The following EGF variants were observed in gnomAD, a reference collection of about 807,000 sequenced individuals.
EGF encodes the protein pro-epidermal growth factor.
A neutral mutation model predicts 143.8 loss-of-function variants in EGF; 95 were observed. The observed-to-expected ratio is 0.66, with a 90% CI of 0.56 to 0.78. The LOEUF (loss-of-function observed/expected upper bound fraction) is 0.78. Among genes scored for constraint, EGF ranks in the 30% least tolerant of loss-of-function variants. The pLI, the probability that EGF is intolerant of heterozygous loss-of-function variation, is 0.00. For missense variants in EGF, 1,320 were observed against 1,470.9 expected (o/e 0.90, Z 1.68); for synonymous variants, 510 against 510.5 (o/e 1.00, Z 0.01).
Position 110,012,181 on chromosome 4 carries a change from T to G in EGF, c.*726T>G, listed in dbSNP as rs2126207866. The stretch of plus-strand genomic sequence containing the variant: ...TTTGTATGTATTTTCAGTTACAAGA[T>G]TGTAAGTAAATTGCCTGATTTGTTT... On this transcript the variant is annotated 3_prime_UTR_variant, in exon 24 of 24. Coordinates refer to ENST00000265171, the MANE Select transcript of EGF (RefSeq NM_001963.6). The G allele has an allele frequency of 1.3e-5, 2 of 152,332 alleles. No homozygotes were observed. The highest frequency in any genetic ancestry group is 4.2e-4 in the South Asian group (2 of 4,818). The allele number at this position is 152,332 out of a possible 1,614,324, so 9.4% of individuals were successfully genotyped here. A position where few individuals can be genotyped will look rare whatever the true frequency, so the allele number is the denominator to read the frequency against.
intron 20 of EGF, among the ~76,000 whole-genome samples, chr4:109,997,428 G>A (rs572026939): frequency 6.6e-6 from 1 of 152,032 alleles, no homozygotes. Context: ...TTACCAGCCC[G>A]GGTAACATGG....
chr4:110,003,720 C>T (rs893672625), intron 21 of EGF, among the ~76,000 whole-genome samples: 1 of 136,984 alleles, frequency 7.3e-6, no homozygotes, highest in Admixed American at 8.3e-5. Context: ...TAGTGAATGA[C>T]GCCGTGTATA....
At chr4:109,957,264 T>C (rs1744939978) in intron 5 of EGF, among the ~76,000 whole-genome samples, 1 of 152,188 alleles carries the variant, frequency 6.6e-6, no homozygotes, top group African/African-American at 2.4e-5. Flanking sequence ...AAAACTAACT[T>C]GTTTATCTGA....
intron 4 of EGF, 128 bp from the exon 5 acceptor site, chr4:109,944,945 C>T: frequency 1.0e-6 from 1 of 982,214 alleles, no homozygotes; most frequent in Non-Finnish European, 1.5e-6. Flanking sequence ...CTTTTCTAAA[C>T]ATAAATGAGA....
intron 20 of EGF, among the ~76,000 whole-genome samples, chr4:109,997,391 A>G (rs1751954350): frequency 6.6e-6 from 1 of 152,174 alleles, no homozygotes; most frequent in Admixed American, 6.6e-5. Flanking sequence ...TTCATAGTAT[A>G]TACCACAACA....
chr4:109,916,211 C>T (rs533090061), intron 1 of EGF, among the ~76,000 whole-genome samples: 41 of 152,246 alleles, frequency 2.7e-4, no homozygotes, highest in African/African-American at 9.1e-4. Flanking sequence ...CCGGCTAAGG[C>T]GTGGTCAGCA....
intron 1 of EGF, among the ~76,000 whole-genome samples, chr4:109,930,102 C>T (rs1298953271): frequency 6.6e-6 from 1 of 152,184 alleles, no homozygotes; most frequent in African/African-American, 2.4e-5. Context: ...TTCCACTTTG[C>T]CTTCCGCCAT....
chr4:109,985,410 T>G (rs1315572047), intron 16 of EGF, among the ~76,000 whole-genome samples: 2 of 152,254 alleles, frequency 1.3e-5, no homozygotes, highest in Admixed American at 1.3e-4. Flanking sequence ...TCTAAAATTC[T>G]TAACGTGGCC....
chr4:109,915,118 C>G (rs1186598360), intron 1 of EGF, among the ~76,000 whole-genome samples: 2 of 152,198 alleles, frequency 1.3e-5, no homozygotes, highest in African/African-American at 4.8e-5. Flanking sequence ...GAAGTGCCTT[C>G]ATTGAGGTAG....
intron 16 of EGF, among the ~76,000 whole-genome samples, chr4:109,985,240 C>T (rs1421507758): frequency 6.6e-6 from 1 of 152,176 alleles, no homozygotes; most frequent in Admixed American, 6.5e-5. Flanking sequence ...TCTTTCCATA[C>T]CTGGATTGTG....
chr4:110,010,840 C>T (rs1753902925), intron 23 of EGF, among the ~76,000 whole-genome samples: 3 of 152,072 alleles, frequency 2.0e-5, no homozygotes, highest in Admixed American at 6.6e-5. Flanking sequence ...GTGGGCGAAT[C>T]GCTTGAGCCC....
intron 1 of EGF, among the ~76,000 whole-genome samples, chr4:109,919,293 C>CTG (rs1304570110): frequency 3.1e-4 from 13 of 41,556 alleles, no homozygotes; most frequent in Non-Finnish European, 4.6e-4. Flanking sequence ...CTCTGTCTCT[C>CTG]TCTCTCTCTC....
At chr4:110,011,048 A>G (rs116823925) in intron 23 of EGF, among the ~76,000 whole-genome samples, 154 bp from the exon 24 acceptor site, 130 of 152,290 alleles carry the variant, frequency 8.5e-4, no homozygotes, top group African/African-American at 3.0e-3. Flanking sequence ...ATCAAAAAAA[A>G]AAAGAGAAAA....
intron 1 of EGF, among the ~76,000 whole-genome samples, chr4:109,937,960 C>T (rs1051873433): frequency 6.6e-6 from 1 of 152,128 alleles, no homozygotes; most frequent in Non-Finnish European, 1.5e-5. Context: ...TCCTTCATTT[C>T]AACCTTGGTG....
At position 109,922,438 on chromosome 4, in the gene EGF, G is replaced by A. The variant is rs867038744; in HGVS notation, c.127+8976G>A. Reference sequence around the variant, plus strand: ...TACTGACATGTTGTCTTCTGAGACAGGAGCTAATAGAAATATATAGCGCAT... The same window carrying A: ...TACTGACATGTTGTCTTCTGAGACAAGAGCTAATAGAAATATATAGCGCAT... On this transcript the variant is annotated intron_variant, in intron 1 of 23. Coordinates refer to ENST00000265171, the MANE Select transcript of EGF (RefSeq NM_001963.6). Among the ~76,000 whole-genome samples the A allele has an allele frequency of 4.0e-4, 61 of 151,806 alleles. 5 individuals are homozygous for A. The highest frequency in any genetic ancestry group is 1.4e-3 in the African/African-American group (58 of 41,074).
chr4:109,944,926 C>G (rs1160366766), intron 4 of EGF, 147 bp from the exon 5 acceptor site: 1 of 838,342 alleles, frequency 1.2e-6, no homozygotes, highest in Non-Finnish European at 1.9e-6. Flanking sequence ...AAATTTTAAA[C>G]TTAATATACT....
chr4:109,948,471 T>A (rs762318678), intron 5 of EGF, among the ~76,000 whole-genome samples: 25 of 152,174 alleles, frequency 1.6e-4, no homozygotes, highest in African/African-American at 5.1e-4. Context: ...TTTCAATGTG[T>A]TTGACATCCT....
rs41491249 is a variant in EGF at position 109,980,902 on chromosome 4, G to A, written c.2298G>A (p.Ser766=). Residue 766 remains serine, a synonymous_variant, in exon 15 of 24, where the codon TCG becomes TCA. Transcript: ENST00000265171. ...CKKRLGTAWC[S]CREGFMKASD... ...AGAGGCTTGGAACTGCTTGGTGTTC[G>A]TGTCGTGAAGGTTTTATGAAAGCCT... The A allele has an allele frequency of 1.2e-3, 1,926 of 1,614,054 alleles. 24 individuals are homozygous for A. The African/African-American group carries it at 0.022, about 18-fold the overall frequency.
Position 109,973,509 on chromosome 4 carries a change from C to T in EGF, c.1725-1194C>T, listed in dbSNP as rs574818175. Among the ~76,000 whole-genome samples, 16 of 152,254 alleles carry T rather than the reference C, an allele frequency of 1.1e-4. No individual in the cohort carries two copies. In the South Asian group the frequency reaches 3.1e-3, roughly 30 times the overall value. ...ACCCACTCTGTCACCCTCCCTGAGT[C>T]TTCCAATTACATTCTTTACATCCTT... On this transcript the variant is annotated intron_variant, in intron 11 of 23. Coordinates refer to ENST00000265171, the MANE Select transcript of EGF (RefSeq NM_001963.6).
Sources: allele counts gnomAD v4.1 joint callset (sites outside exome capture counted in the v4.1 genomes callset), GRCh38; gene constraint gnomAD v4.1.1; transcripts MANE v1.5; gene names NCBI Gene and HGNC (gene_info 2026-07-23, HGNC 2026-07-21).